The following PTBP3 variants were observed in gnomAD, a reference collection of about 807,000 sequenced individuals.
PTBP3 encodes the protein polypyrimidine tract binding protein 3.
Under a neutral mutation model 58.7 loss-of-function variants are expected in PTBP3, and 20 were observed. That is an observed-to-expected ratio of 0.34 (90% CI 0.24 to 0.50). The LOEUF (loss-of-function observed/expected upper bound fraction) is 0.50, where lower values mean the gene tolerates loss of function less well. Ranked by LOEUF, PTBP3 falls within the 20% of genes least tolerant of loss-of-function variation. The probability of loss-of-function intolerance (pLI) is 0.98; values close to 1 mark genes in which losing one functional copy is unlikely to be tolerated. For synonymous variants in PTBP3, 185 were observed against 219.8 expected (o/e 0.84, Z 1.40); for missense variants, 509 against 637.2 (o/e 0.80, Z 2.17).
Position 112,333,477 on chromosome 9 carries a change from T to C in PTBP3, c.-59A>G, listed in dbSNP as rs919783837. The C allele has an allele frequency of 6.3e-7, 1 of 1,590,126 alleles. No homozygotes were observed. Among genetic ancestry groups the C allele is most frequent in the Non-Finnish European group, 8.6e-7 (1 of 1,169,056 alleles). ...GCGCCGCCTAGTACTTACCCATCCA[T>C]GGCCCAGATGGAGGCGCGCACAGAG... On this transcript the variant is annotated 5_prime_UTR_variant, in exon 1 of 14. An upstream start codon of the reference 5' UTR is lost. Coordinates refer to ENST00000374257, the MANE Select transcript of PTBP3 (RefSeq NM_001163788.4).
the PTBP3 span, among the ~76,000 whole-genome samples, chr9:112,348,185 G>T: frequency 6.6e-6 from 1 of 152,216 alleles, no homozygotes; most frequent in African/African-American, 2.4e-5. Flanking sequence ...GCAGGCATGA[G>T]CAGGGCAGGA....
chr9:112,357,615 T>C, the PTBP3 span, among the ~76,000 whole-genome samples: 2 of 152,150 alleles, frequency 1.3e-5, no homozygotes, highest in African/African-American at 4.8e-5. Context: ...TCCCAAAGTG[T>C]TGGGATTACA....
intron 5 of PTBP3, among the ~76,000 whole-genome samples, chr9:112,261,284 A>G (rs1296242192): frequency 6.6e-6 from 1 of 152,114 alleles, no homozygotes; most frequent in East Asian, 1.9e-4. Context: ...TCAGAAAACT[A>G]TCAAAGGGGA....
the PTBP3 span, among the ~76,000 whole-genome samples, chr9:112,351,351 T>C: frequency 6.6e-6 from 1 of 152,218 alleles, no homozygotes; most frequent in Non-Finnish European, 1.5e-5. Flanking sequence ...TTATATGTTT[T>C]TGGGAGAAAG....
At chr9:112,364,803 A>G in the PTBP3 span, among the ~76,000 whole-genome samples, 1 of 152,202 alleles carries the variant, frequency 6.6e-6, no homozygotes, top group South Asian at 2.1e-4. Context: ...TGTGAAGTAC[A>G]ATAAAGTGAA....
intron 1 of PTBP3, among the ~76,000 whole-genome samples, chr9:112,321,835 A>G (rs1469033939): frequency 6.6e-6 from 1 of 151,896 alleles, no homozygotes; most frequent in African/African-American, 2.4e-5. Flanking sequence ...CCCTCCAGGA[A>G]CCCTACACCA....
intron 2 of PTBP3, among the ~76,000 whole-genome samples, chr9:112,277,864 ACT>A (rs570631314): frequency 2.0e-4 from 31 of 151,296 alleles, no homozygotes; most frequent in African/African-American, 7.3e-4. Context: ...AAATTTTGAG[ACT>A]CTGTCTCAAA....
At chr9:112,285,240 T>C (rs1348813577) in intron 2 of PTBP3, among the ~76,000 whole-genome samples, 2 of 152,302 alleles carry the variant, frequency 1.3e-5, no homozygotes, top group Non-Finnish European at 2.9e-5. Flanking sequence ...CGATTGGCAG[T>C]TCCTCCTTCA....
intron 3 of PTBP3, among the ~76,000 whole-genome samples, chr9:112,271,423 C>T (rs562965679): frequency 1.2e-4 from 18 of 152,248 alleles, no homozygotes; most frequent in South Asian, 6.2e-4. Context: ...GATATTCAAC[C>T]TTTATCATAA....
chr9:112,233,209 T>A (rs963356699), intron 8 of PTBP3, among the ~76,000 whole-genome samples: 3 of 151,806 alleles, frequency 2.0e-5, no homozygotes, highest in African/African-American at 7.3e-5. Context: ...GACTTTTGCA[T>A]AACTTTTGCT....
At chr9:112,296,016 G>A (rs957137042) in intron 2 of PTBP3, among the ~76,000 whole-genome samples, 1 of 152,176 alleles carries the variant, frequency 6.6e-6, no homozygotes, top group Non-Finnish European at 1.5e-5. Flanking sequence ...AAAACGTTGT[G>A]AGACTGTTTT....
chr9:112,287,753 T>G (rs1053772872), intron 2 of PTBP3, among the ~76,000 whole-genome samples: 4 of 152,154 alleles, frequency 2.6e-5, no homozygotes, highest in Non-Finnish European at 5.9e-5. Context: ...TTTTTTCAGG[T>G]GTCTTATTTT....
At chr9:112,237,302 T>C (rs1178307655) in intron 7 of PTBP3, among the ~76,000 whole-genome samples, 1 of 152,174 alleles carries the variant, frequency 6.6e-6, no homozygotes, top group African/African-American at 2.4e-5. Context: ...TGTTAGACAG[T>C]GGATTCATAT....
intron 2 of PTBP3, among the ~76,000 whole-genome samples, chr9:112,295,124 C>A (rs868436442): frequency 1.3e-5 from 2 of 151,698 alleles, no homozygotes; most frequent in African/African-American, 4.8e-5. Flanking sequence ...CCTATAATCC[C>A]AGGTACTCAG....
intron 1 of PTBP3, among the ~76,000 whole-genome samples, chr9:112,308,519 T>A (rs1829332374): frequency 6.6e-6 from 1 of 152,108 alleles, no homozygotes; most frequent in Non-Finnish European, 1.5e-5. Context: ...AAATGCAATT[T>A]TCCGTAAGGT....
the PTBP3 span, among the ~76,000 whole-genome samples, chr9:112,347,452 C>G: frequency 6.6e-6 from 1 of 151,762 alleles, no homozygotes; most frequent in South Asian, 2.1e-4. Flanking sequence ...GATGATCCTC[C>G]CACCTCAGCC....
chr9:112,362,855 A>G, the PTBP3 span: 2 of 335,750 alleles, frequency 6.0e-6, no homozygotes, highest in Non-Finnish European at 1.1e-5. Context: ...TAGAAGATTC[A>G]AGGGCCAGAT....
chr9:112,317,027 C>T (rs541857034), intron 1 of PTBP3, among the ~76,000 whole-genome samples: 1 of 151,338 alleles, frequency 6.6e-6, no homozygotes, highest in Admixed American at 6.6e-5. Context: ...CGCCTGTAAT[C>T]CCAGCACTTT....
chr9:112,280,784 T>C (rs200635883), intron 2 of PTBP3, among the ~76,000 whole-genome samples: 896 of 6,930 alleles, frequency 0.13, 11 homozygotes, highest in South Asian at 0.19. Context: ...TGTGTGTGTG[T>C]GCATATATAT....
Sources: gnomAD v4.1 joint callset for allele counts (sites outside exome capture counted in the v4.1 genomes callset) on GRCh38, gnomAD v4.1.1 for gene constraint, MANE v1.5 for transcripts, NCBI Gene and HGNC (gene_info 2026-07-23, HGNC 2026-07-21) for gene names.